Variants in PPP2R3A observed in about 807,000 individuals in gnomAD.
PPP2R3A encodes the protein protein phosphatase 2 regulatory subunit B''alpha, also known as serine/threonine-protein phosphatase 2A regulatory subunit B'' subunit alpha.
Under a neutral mutation model 106.9 loss-of-function variants are expected in PPP2R3A, and 80 were observed. The observed-to-expected ratio is 0.75, with a 90% CI of 0.62 to 0.90. The LOEUF is 0.90. Ranked by LOEUF, PPP2R3A falls within the 40% of genes least tolerant of loss-of-function variation. PPP2R3A has a pLI of 0.00. For missense variants in PPP2R3A, 1,386 were observed against 1,350.4 expected (o/e 1.03, Z -0.41); for synonymous variants, 483 against 468.3 (o/e 1.03, Z -0.41).
intron 2 of PPP2R3A, among the ~76,000 whole-genome samples, chr3:136,017,571 A>G (rs1214952194): frequency 6.6e-6 from 1 of 152,240 alleles, no homozygotes; most frequent in African/African-American, 2.4e-5. Flanking sequence ...TAACGTATTT[A>G]GATTTTTCCA....
At chr3:136,139,721 C>CAATTTGATACCTATGATTTCTAGTAA (rs1938779508) in intron 13 of PPP2R3A, among the ~76,000 whole-genome samples, 1 of 148,360 alleles carries the variant, frequency 6.7e-6, no homozygotes, top group Admixed American at 6.7e-5. Flanking sequence ...AGTTTGTTCT[C>CAATTTGATACCTATGATTTCTAGTAA]AGCTGGGCAT....
At position 136,001,234 on chromosome 3, in the gene PPP2R3A, C is replaced by A; in HGVS notation, c.-265C>A. ...ATATTCTTTCATCAAAATAATTCTGCAGTATCATAATATTACTAAATAAAA... is the reference window on the plus strand; with the variant it reads ...ATATTCTTTCATCAAAATAATTCTGAAGTATCATAATATTACTAAATAAAA... On this transcript the variant is annotated 5_prime_UTR_variant, in exon 2 of 14. Coordinates refer to ENST00000264977, the MANE Select transcript of PPP2R3A (RefSeq NM_002718.5). The A allele has an allele frequency of 4.4e-6, 2 of 455,242 alleles. No homozygotes were observed. The highest frequency in any genetic ancestry group is 6.3e-5 in the South Asian group (1 of 15,894). 28.2% of individuals were successfully genotyped at this position (455,242 alleles called of 1,614,324 possible).
intron 13 of PPP2R3A, among the ~76,000 whole-genome samples, chr3:136,144,415 C>CT (rs901199440): frequency 6.6e-6 from 1 of 152,100 alleles, no homozygotes; most frequent in African/African-American, 2.4e-5. Context: ...AATCCCAGCA[C>CT]TTTGAGAGGC....
chr3:136,054,281 T>TGC (rs1935784973), intron 5 of PPP2R3A, among the ~76,000 whole-genome samples: 16 of 140,746 alleles, frequency 1.1e-4, no homozygotes, highest in South Asian at 6.8e-4. Context: ...TTTTTTTGAG[T>TGC]TGGAGGCTCG....
intron 2 of PPP2R3A, among the ~76,000 whole-genome samples, chr3:136,018,171 G>A (rs773261575): frequency 5.9e-5 from 9 of 152,218 alleles, no homozygotes; most frequent in Admixed American, 1.3e-4. Context: ...GCAGGCTGAT[G>A]TGGGAGAATA....
Position 135,997,947 on chromosome 3 carries a change from G to A in PPP2R3A, c.-440-3112G>A, listed in dbSNP as rs549216570. On this transcript the variant is annotated intron_variant, in intron 1 of 13. Transcript: ENST00000264977. ...ACTCAGGTGCTACAGTGATCTTTCT[G>A]TAACAAATTTCATCGTGTTACTCTT... Among the ~76,000 whole-genome samples the A allele has an allele frequency of 3.9e-5, 6 of 152,308 alleles. No homozygotes were observed. The East Asian group carries it at 9.6e-4, about 24-fold the overall frequency.
Position 136,034,801 on chromosome 3 carries a change from T to C in PPP2R3A, c.2263-6058T>C, listed in dbSNP as rs189930366. 1.7e-3 allele frequency among the ~76,000 whole-genome samples: 262 copies of C among 152,320 alleles called. 1 individual carries two copies. The highest frequency in any genetic ancestry group is 5.8e-3 in the African/African-American group (243 of 41,546). The stretch of plus-strand genomic sequence containing the variant: ...TATTGACTTTCTGTCTTGACCTGTT[T>C]AGTGCTGTCAGTGGAGTACTGAAGT... On this transcript the variant is annotated intron_variant, in intron 3 of 13. Coordinates refer to ENST00000264977, the MANE Select transcript of PPP2R3A (RefSeq NM_002718.5).
chr3:136,078,397 A>T lies in PPP2R3A; in HGVS notation c.2575A>T (p.Arg859Ter). Residue 859 changes from arginine to a stop codon, truncating the protein, a stop_gained, in exon 7 of 14, where the codon AGA (arginine) becomes TGA (stop). Coordinates refer to ENST00000264977, the MANE Select transcript of PPP2R3A (RefSeq NM_002718.5). LOFTEE classifies it high-confidence loss of function. ...VIQRIFYTVN[R>*]SWSGKITSTE... ...TCAGAGAATATTCTACACAGTCAACAGATCTTGGAGTGGAAAAATTACTTC... is the reference window on the plus strand; with the variant it reads ...TCAGAGAATATTCTACACAGTCAACTGATCTTGGAGTGGAAAAATTACTTC... 6.2e-7 allele frequency: 1 copy of T among 1,610,594 alleles called. No individual in the cohort carries two copies. The highest frequency in any genetic ancestry group is 8.5e-7 in the Non-Finnish European group (1 of 1,177,758).
chr3:136,133,890 CAAAAAAAAAA>C (rs34515503), intron 13 of PPP2R3A, among the ~76,000 whole-genome samples: 1 of 55,440 alleles, frequency 1.8e-5, no homozygotes, highest in East Asian at 4.9e-4. Flanking sequence ...AACTCCATCT[CAAAAAAAAAA>C]AAAAAAAAGA....
chr3:135,967,006 T>G (rs975732196), intron 1 of PPP2R3A, among the ~76,000 whole-genome samples: 12 of 152,332 alleles, frequency 7.9e-5, no homozygotes, highest in South Asian at 4.1e-4. Flanking sequence ...GTTGTTTTTT[T>G]TTCTTGGTGG....
chr3:136,057,577 T>C (rs1194167564), intron 5 of PPP2R3A, among the ~76,000 whole-genome samples: 5 of 152,184 alleles, frequency 3.3e-5, no homozygotes, highest in Non-Finnish European at 7.4e-5. Flanking sequence ...AACTGTACAC[T>C]TAAAATGGTA....
At chr3:136,088,863 T>A (rs975546937) in intron 9 of PPP2R3A, among the ~76,000 whole-genome samples, 3 of 152,224 alleles carry the variant, frequency 2.0e-5, no homozygotes, top group Non-Finnish European at 4.4e-5. Flanking sequence ...GATTGTTTCA[T>A]GTTTGTTGGC....
intron 10 of PPP2R3A, among the ~76,000 whole-genome samples, chr3:136,100,619 C>T (rs950426746): frequency 1.3e-5 from 2 of 151,852 alleles, no homozygotes; most frequent in African/African-American, 2.4e-5. Flanking sequence ...GCAGAGGTTG[C>T]GGTGCCAAGA....
Position 136,133,442 on chromosome 3 carries a change from C to G in PPP2R3A, c.3330-11601C>G, listed in dbSNP as rs188491608. On this transcript the variant is annotated intron_variant, in intron 13 of 13. Coordinates refer to ENST00000264977, the MANE Select transcript of PPP2R3A (RefSeq NM_002718.5). ...CAAATTAAAACCTCAGTGAGATATA[C>G]TACACAGCCACTTGAACAACTAAAA... 8.5e-5 allele frequency among the ~76,000 whole-genome samples: 13 copies of G among 152,182 alleles called. 1 individual carries two copies. The highest frequency in any genetic ancestry group is 5.9e-4 in the Admixed American group (9 of 15,290).
intron 1 of PPP2R3A, among the ~76,000 whole-genome samples, chr3:135,993,864 T>C (rs6783238): frequency 0.032 from 4,854 of 152,282 alleles, 268 homozygotes; most frequent in African/African-American, 0.11. Context: ...ATTATGCTAA[T>C]ATGAAGATCT....
intron 2 of PPP2R3A, among the ~76,000 whole-genome samples, chr3:136,011,384 T>C (rs1934068315): frequency 6.6e-6 from 1 of 152,250 alleles, no homozygotes; most frequent in Non-Finnish European, 1.5e-5. Flanking sequence ...CAGTGTTCAA[T>C]TGATATTTGT....
intron 2 of PPP2R3A, among the ~76,000 whole-genome samples, chr3:136,021,248 C>T (rs973343876): frequency 5.9e-5 from 9 of 151,934 alleles, no homozygotes; most frequent in Admixed American, 1.3e-4. Context: ...GAAAGCTACC[C>T]ACCTCAAAGA....
At chr3:135,966,155 C>T (rs1261247085) in intron 1 of PPP2R3A, among the ~76,000 whole-genome samples, 1 of 152,068 alleles carries the variant, frequency 6.6e-6, no homozygotes, top group Non-Finnish European at 1.5e-5. Context: ...TAGGCGGGGG[C>T]GGCCTGGGCC....
At chr3:136,064,862 A>G (rs1045104699) in intron 5 of PPP2R3A, among the ~76,000 whole-genome samples, 1 of 152,232 alleles carries the variant, frequency 6.6e-6, no homozygotes, top group Non-Finnish European at 1.5e-5. Flanking sequence ...AACCATATTT[A>G]TATAATCAAA....
Sources: allele counts gnomAD v4.1 joint callset (sites outside exome capture counted in the v4.1 genomes callset), GRCh38; gene constraint gnomAD v4.1.1; transcripts MANE v1.5; gene names NCBI Gene and HGNC (gene_info 2026-07-23, HGNC 2026-07-21).